The following STAB2 variants were observed in gnomAD, a reference collection of about 807,000 sequenced individuals.
STAB2 encodes stabilin-2.
A neutral mutation model predicts 338.1 loss-of-function variants in STAB2; 288 were observed. The observed-to-expected ratio is 0.85, with a 90% CI of 0.77 to 0.94. STAB2 has a LOEUF of 0.94. STAB2 is among the 40% of genes least tolerant of loss of function. The pLI, the probability that STAB2 is intolerant of heterozygous loss-of-function variation, is 0.00. For synonymous variants in STAB2, 1,202 were observed against 1,193.3 expected, an observed-to-expected ratio of 1.01 and a Z score of -0.15; for missense variants, 3,141 against 3,210.1, an observed-to-expected ratio of 0.98 and a Z score of 0.52.
At chr12:103,626,146 T>A (rs1261325790) in intron 5 of STAB2, among the ~76,000 whole-genome samples, 1 of 152,234 alleles carries the variant, frequency 6.6e-6, no homozygotes, top group Admixed American at 6.5e-5. Context: ...CCAATAGAAC[T>A]TTCTGTGATG....
At chr12:103,595,753 C>T (rs1268171545) in intron 3 of STAB2, among the ~76,000 whole-genome samples, 2 of 152,136 alleles carry the variant, frequency 1.3e-5, no homozygotes, top group African/African-American at 4.8e-5. Context: ...TTGCCAGTTT[C>T]CTTTGGACTG....
At chr12:103,630,219 T>C (rs532026430) in intron 5 of STAB2, among the ~76,000 whole-genome samples, 1 of 152,216 alleles carries the variant, frequency 6.6e-6, no homozygotes, top group East Asian at 1.9e-4. Flanking sequence ...GATAAAGGCC[T>C]CAACAAGAAT....
chr12:103,645,252 G>A (rs1479924147), intron 9 of STAB2, among the ~76,000 whole-genome samples: 1 of 152,230 alleles, frequency 6.6e-6, no homozygotes, highest in Non-Finnish European at 1.5e-5. Flanking sequence ...TGTTGTGAAT[G>A]TTCCATGGCT....
chr12:103,699,277 A>T (rs748794746), intron 34 of STAB2, 50 bp downstream of exon 34: 1 of 1,574,302 alleles, frequency 6.4e-7, no homozygotes, highest in South Asian at 1.1e-5. Context: ...GAATTACATC[A>T]GGGAGAGTAT....
intron 27 of STAB2, 35 bp from the exon 28 acceptor site, chr12:103,688,133 A>G: frequency 3.1e-6 from 5 of 1,602,028 alleles, no homozygotes; most frequent in South Asian, 2.2e-5. Flanking sequence ...GTTCTCTCCC[A>G]TCTCTTCTTC....
At chr12:103,751,416 G>C (rs934577260) in intron 60 of STAB2, among the ~76,000 whole-genome samples, 1 of 152,178 alleles carries the variant, frequency 6.6e-6, no homozygotes, top group Non-Finnish European at 1.5e-5. Context: ...AATGGACACA[G>C]AATAGAGAAA....
chr12:103,681,344 A>G (rs987348645), intron 25 of STAB2, among the ~76,000 whole-genome samples: 13 of 152,320 alleles, frequency 8.5e-5, no homozygotes, highest in South Asian at 2.1e-4. Context: ...TGGGGCTGCC[A>G]TACAAAGTGC....
intron 59 of STAB2, 69 bp downstream of exon 59, chr12:103,749,225 C>T: frequency 1.4e-6 from 2 of 1,454,994 alleles, no homozygotes; most frequent in South Asian, 2.7e-5. Context: ...GCCTTTCCAC[C>T]TCCCATACTC....
Position 103,630,592 on chromosome 12 carries a change from T to C in STAB2, c.488-1006T>C, listed in dbSNP as rs547605715. ...AAGATAGGGAGAGTATCCTGGATTA[T>C]CCAGGTGAGTCCAATGTAATCACAA... On this transcript the variant is annotated intron_variant, in intron 5 of 68. Transcript: ENST00000388887. Among the ~76,000 whole-genome samples the C allele has an allele frequency of 1.1e-4, 16 of 152,278 alleles. No individual in the cohort carries two copies. The East Asian group carries it at 3.1e-3, about 29-fold the overall frequency.
intron 3 of STAB2, among the ~76,000 whole-genome samples, chr12:103,611,787 G>A (rs1957127301): frequency 6.6e-6 from 1 of 152,122 alleles, no homozygotes; most frequent in Admixed American, 6.5e-5. Flanking sequence ...AGCCTCGATG[G>A]TCTTTACGAT....
At chr12:103,654,351 A>G (rs559880726) in intron 12 of STAB2, among the ~76,000 whole-genome samples, 1 of 152,242 alleles carries the variant, frequency 6.6e-6, no homozygotes, top group Non-Finnish European at 1.5e-5. Flanking sequence ...GCTTTCACAC[A>G]TCATATCATT....
In STAB2 at chr12:103,690,407, G is replaced by A. The variant is rs1026446150; in HGVS notation, c.3183-17G>A. ...ACATTTATATTGAATTATAGCCTTT[G>A]TGGACTATTGTTTCAGGTACCATAT... is the stretch of plus-strand genomic sequence containing the variant. On this transcript the variant is annotated splice_polypyrimidine_tract_variant and intron_variant, in intron 29 of 68. Transcript: ENST00000388887. 4 of 1,589,230 alleles carry A rather than the reference G, an allele frequency of 2.5e-6. No individual in the cohort carries two copies. The highest frequency in any genetic ancestry group is 3.5e-6 in the Non-Finnish European group (4 of 1,158,896).
intron 25 of STAB2, among the ~76,000 whole-genome samples, chr12:103,679,428 T>A (rs1041125968): frequency 2.6e-5 from 4 of 151,980 alleles, no homozygotes; most frequent in Non-Finnish European, 5.9e-5. Flanking sequence ...AAAGTGGAAC[T>A]GCTTAGCTAA....
At position 103,725,565 on chromosome 12, in the gene STAB2, C is replaced by T. The variant is rs566683733; in HGVS notation, c.4803+471C>T. On this transcript the variant is annotated intron_variant, in intron 45 of 68. Coordinates refer to ENST00000388887, the MANE Select transcript of STAB2 (RefSeq NM_017564.10). ...GTGTGCGTGTGCATGTGTGCGTGCA[C>T]GTGTTAATGTGTGTACACGTGTGTG... 2.5e-4 allele frequency among the ~76,000 whole-genome samples: 38 copies of T among 151,658 alleles called. No homozygotes were observed. In the South Asian group the frequency reaches 6.7e-3, roughly 27 times the overall value.
At chr12:103,711,191 A>G (rs1443257850) in intron 39 of STAB2, 3 of 456,986 alleles carry the variant, frequency 6.6e-6, no homozygotes, top group Non-Finnish European at 1.2e-5. Context: ...ACATGGTCAC[A>G]TTCCAGGGAG....
rs1211234921 is a variant in STAB2, at chr12:103,735,583, G to C, written c.5550+3G>C. Reference sequence around the variant, plus strand: ...AATGTGGAGCTGGCAGGGACATCGTGAGTATCATCATGAAGGGTGGGCAGG... The same window carrying C: ...AATGTGGAGCTGGCAGGGACATCGTCAGTATCATCATGAAGGGTGGGCAGG... On this transcript the variant is annotated splice_donor_region_variant and intron_variant, in intron 52 of 68. Coordinates refer to ENST00000388887, the MANE Select transcript of STAB2 (RefSeq NM_017564.10). 3 of 842,430 alleles carry C rather than the reference G, an allele frequency of 3.6e-6. No homozygotes were observed. The highest frequency in any genetic ancestry group is 5.5e-6 in the Non-Finnish European group (3 of 546,358). The allele number at this position is 842,430 out of a possible 1,614,324, so 52.2% of individuals were successfully genotyped here.
In STAB2 at chr12:103,637,991, T is replaced by C. The variant is rs1307150347; in HGVS notation, c.710-25T>C. 2.5e-6 allele frequency: 4 copies of C among 1,596,994 alleles called. No individual in the cohort carries two copies. In the South Asian group the frequency reaches 4.4e-5, roughly 18 times the overall value. ...TCTCCATCCCCGTTAACTAACTGCC[T>C]CTCATTTTGCTGTTGCCTCTCAAGC... On this transcript the variant is annotated intron_variant, in intron 7 of 68. Transcript: ENST00000388887.
At chr12:103,613,400 C>A (rs1288998001) in intron 3 of STAB2, among the ~76,000 whole-genome samples, 1 of 152,188 alleles carries the variant, frequency 6.6e-6, no homozygotes, top group Non-Finnish European at 1.5e-5. Flanking sequence ...GAGCCTCTCC[C>A]CCAGCCTCGC....
intron 25 of STAB2, among the ~76,000 whole-genome samples, chr12:103,682,634 C>T (rs1208746289): frequency 1.3e-5 from 2 of 152,102 alleles, no homozygotes; most frequent in Non-Finnish European, 2.9e-5. Context: ...AGACTATCTC[C>T]ATAGGACCCT....
Sources: allele counts gnomAD v4.1 joint callset (sites outside exome capture counted in the v4.1 genomes callset), GRCh38; gene constraint gnomAD v4.1.1; transcripts MANE v1.5; gene names NCBI Gene and HGNC (gene_info 2026-07-23, HGNC 2026-07-21).